RRP15: variants seen among roughly 807,000 people sequenced by gnomAD.
RRP15 encodes the protein RRP15-like protein.
Under a neutral mutation model 27.1 loss-of-function variants are expected in RRP15, and 18 were observed. The observed-to-expected ratio is 0.66, with a 90% CI of 0.46 to 0.98. RRP15 has a LOEUF of 0.98. Ranked by LOEUF, RRP15 falls within the 50% of genes least tolerant of loss-of-function variation. RRP15 has a pLI of 0.00. For missense variants in RRP15, 359 were observed against 337.8 expected, an observed-to-expected ratio of 1.06 and a Z score of -0.49; for synonymous variants, 107 against 109.4, an observed-to-expected ratio of 0.98 and a Z score of 0.14.
chr1:218,332,369 A>G lies in RRP15; in HGVS notation c.*1278A>G, dbSNP rs138653980. On this transcript the variant is annotated 3_prime_UTR_variant, in exon 5 of 5. Transcript: ENST00000366932. The stretch of plus-strand genomic sequence containing the variant: ...AAAAGAGGAAAGACTGTTTAATATC[A>G]TTCCAAAATTTTTGTGAAATGTGGC... The G allele has an allele frequency of 6.6e-6, 1 of 152,198 alleles. No homozygotes were observed. The highest frequency in any genetic ancestry group is 2.4e-5 in the African/African-American group (1 of 41,456). The allele number at this position is 152,198 out of a possible 1,614,324, so 9.4% of individuals were successfully genotyped here. A position where few individuals can be genotyped will look rare whatever the true frequency, so the allele number is the denominator to read the frequency against.
chr1:218,329,998 A>G (rs977338232), intron 4 of RRP15, among the ~76,000 whole-genome samples: 1 of 152,104 alleles, frequency 6.6e-6, no homozygotes, highest in Admixed American at 6.5e-5. Context: ...ACTGTTTTCT[A>G]ACCAAATGTC....
rs772699195 is a variant in RRP15 at position 218,307,599 on chromosome 1, T to C, written c.672T>C (p.Thr224=). ...LRGMDGSTNE[T]ASSRKKPKAK... is the part of the protein sequence containing the mutation. The stretch of plus-strand genomic sequence containing the variant: ...GGATGGATGGAAGTACAAATGAGAC[T>C]GCTTCAAGCAGGAAGAAACCAAAAG... Residue 224 remains threonine, a synonymous_variant, in exon 4 of 5, where the codon ACT becomes ACC. Coordinates refer to ENST00000366932, the MANE Select transcript of RRP15 (RefSeq NM_016052.4). 8 of 1,613,892 alleles carry C rather than the reference T, an allele frequency of 5.0e-6. No homozygotes were observed. The highest frequency in any genetic ancestry group is 6.8e-6 in the Non-Finnish European group (8 of 1,179,904).
chr1:218,298,666 C>A (rs559226121), intron 1 of RRP15, among the ~76,000 whole-genome samples: 1 of 152,092 alleles, frequency 6.6e-6, no homozygotes, highest in Non-Finnish European at 1.5e-5. Context: ...CTCAGTACGT[C>A]GGAGGTTTAG....
intron 4 of RRP15, among the ~76,000 whole-genome samples, chr1:218,330,683 C>CA (rs1443243214): frequency 6.6e-6 from 1 of 151,914 alleles, no homozygotes; most frequent in Non-Finnish European, 1.5e-5. Flanking sequence ...TCCCTCACTT[C>CA]AAAAAAATTT....
rs925409955 is a variant in RRP15 at position 218,335,846 on chromosome 1, A to T, written c.*4755A>T. 1 of 152,158 alleles carries T rather than the reference A, an allele frequency of 6.6e-6. No individual in the cohort carries two copies. The highest frequency in any genetic ancestry group is 2.4e-5 in the African/African-American group (1 of 41,446). The allele number at this position is 152,158 out of a possible 1,614,324, so 9.4% of individuals were successfully genotyped here. ...CTTTTTTTTCAGTATTTATATTTTT[A>T]AAAAGATATGTTTCTTTATAATTAA... On this transcript the variant is annotated 3_prime_UTR_variant, in exon 5 of 5. Coordinates refer to ENST00000366932, the MANE Select transcript of RRP15 (RefSeq NM_016052.4).
chr1:218,309,188 C>T (rs1655950864), intron 4 of RRP15, among the ~76,000 whole-genome samples: 2 of 152,166 alleles, frequency 1.3e-5, no homozygotes, highest in African/African-American at 4.8e-5. Context: ...AGTGATTTTG[C>T]TCTAAAAGTA....
At chr1:218,299,577 A>C (rs1655778555) in intron 1 of RRP15, among the ~76,000 whole-genome samples, 1 of 152,274 alleles carries the variant, frequency 6.6e-6, no homozygotes, top group African/African-American at 2.4e-5. Context: ...ACATCAGGAC[A>C]AAACACTAGA....
In RRP15 at chr1:218,302,329, G is replaced by A. The variant is rs941416642; in HGVS notation, c.175G>A (p.Asp59Asn). ...ATCGGAAAAGGACCACTTTTATTCTGATGATGACGCAATAGAAGCTGACAG... is the reference window on the plus strand; with the variant it reads ...ATCGGAAAAGGACCACTTTTATTCTAATGATGACGCAATAGAAGCTGACAG... Reference protein sequence around the residue: ...CGSEKDHFYSDDDAIEADSEG... With the variant: ...CGSEKDHFYSNDDAIEADSEG... The change falls in exon 2 of 5, where the codon GAT becomes AAT. Residue 59 changes from aspartate (D) to asparagine (N), a missense_variant. By Grantham distance (23) the Asp-to-Asn change is conservative (BLOSUM62 1). Coordinates refer to ENST00000366932, the MANE Select transcript of RRP15 (RefSeq NM_016052.4). 2.5e-6 allele frequency: 4 copies of A among 1,613,904 alleles called. No homozygotes were observed. The highest frequency in any genetic ancestry group is 8.5e-7 in the Non-Finnish European group (1 of 1,179,962).
chr1:218,337,447 G>A lies in RRP15; in HGVS notation c.*6356G>A, dbSNP rs1024254684. ...AAATTTTTTAAAACTTACAAGTTCA[G>A]TGATATGAGGACATTTACATAAACT... On this transcript the variant is annotated 3_prime_UTR_variant, in exon 5 of 5. Coordinates refer to ENST00000366932, the MANE Select transcript of RRP15 (RefSeq NM_016052.4). The A allele has an allele frequency of 1.3e-5, 2 of 152,168 alleles. No individual in the cohort carries two copies. Among genetic ancestry groups the A allele is most frequent in the African/African-American group, 4.8e-5 (2 of 41,462 alleles). The allele number at this position is 152,168 out of a possible 1,614,324, so 9.4% of individuals were successfully genotyped here.
At chr1:218,313,972 TTTTTATTTTATTTTATTTTA>T (rs66715330) in intron 4 of RRP15, among the ~76,000 whole-genome samples, 3 of 147,174 alleles carry the variant, frequency 2.0e-5, no homozygotes, top group South Asian at 2.1e-4. Context: ...CCCCGAGTGA[TTTTTATTTTATTTTATTTTA>T]TTTTATTTTA....
rs1039538329 is a variant in RRP15 at position 218,332,107 on chromosome 1, G to A, written c.*1016G>A. ...GTGGAAATTCTCATGCTTAACTTAT[G>A]CAATGAGACAATTTCTCAGGAAGCA... On this transcript the variant is annotated 3_prime_UTR_variant, in exon 5 of 5. Transcript: ENST00000366932. The A allele has an allele frequency of 2.0e-5, 3 of 150,050 alleles. No individual in the cohort carries two copies. The highest frequency in any genetic ancestry group is 5.0e-5 in the African/African-American group (2 of 39,660). The allele number at this position is 150,050 out of a possible 1,614,324, so 9.3% of individuals were successfully genotyped here. A position where few individuals can be genotyped will look rare whatever the true frequency, so the allele number is the denominator to read the frequency against.
intron 4 of RRP15, among the ~76,000 whole-genome samples, chr1:218,314,820 G>A (rs1656054423): frequency 6.6e-6 from 1 of 151,534 alleles, no homozygotes. Flanking sequence ...GTGAAACCCC[G>A]TCTCTACTAA....
chr1:218,307,664 A>G (rs1242569026), intron 4 of RRP15, 32 bp downstream of exon 4: 1 of 1,464,344 alleles, frequency 6.8e-7, no homozygotes, highest in East Asian at 2.3e-5. Context: ...TCAGTGTATC[A>G]GACTTTCAGC....
Position 218,302,403 on chromosome 1 carries a change from A to C in RRP15, c.249A>C (p.Glu83Asp). The change falls in exon 2 of 5, where the codon GAA becomes GAC. Residue 83 changes from glutamate to aspartate, a missense_variant. Physicochemically the swap from Glu to Asp is conservative, Grantham distance 45. Coordinates refer to ENST00000366932, the MANE Select transcript of RRP15 (RefSeq NM_016052.4). ...PCDKENENDG[E>D]SSVGTNMGWA... is the part of the protein sequence containing the mutation. ...ACAAAGAAAATGAAAATGATGGAGA[A>C]TCAAGTGTTGGGACTAATATGGGCT... is the stretch of plus-strand genomic sequence containing the variant. 1 of 1,614,106 alleles carries C rather than the reference A, an allele frequency of 6.2e-7. No homozygotes were observed. Among genetic ancestry groups the C allele is most frequent in the Non-Finnish European group, 8.5e-7 (1 of 1,179,974 alleles).
At position 218,327,331 on chromosome 1, in the gene RRP15, C is replaced by T. The variant is rs78405590; in HGVS notation, c.706-3617C>T. On this transcript the variant is annotated intron_variant, in intron 4 of 4. Coordinates refer to ENST00000366932, the MANE Select transcript of RRP15 (RefSeq NM_016052.4). ...CAAGGTTTTCTTTATTTTTTTGAGA[C>T]AGAGTCTTACTCCGTCGCTCAGGCT... Among the ~76,000 whole-genome samples the T allele has an allele frequency of 1.3e-3, 201 of 152,196 alleles. 2 individuals are homozygous for T. The East Asian group carries it at 0.033, about 25-fold the overall frequency.
chr1:218,304,498 TGCTACGAGA>T (rs1655864937), intron 2 of RRP15, among the ~76,000 whole-genome samples: 1 of 152,254 alleles, frequency 6.6e-6, no homozygotes, highest in Non-Finnish European at 1.5e-5. Flanking sequence ...TGGTCAGATA[TGCTACGAGA>T]GGAGAAATGG....
At position 218,285,341 on chromosome 1, in the gene RRP15, C is replaced by T. The variant is rs1558198740; in HGVS notation, c.25C>T (p.Arg9Cys). The T allele has an allele frequency of 6.2e-7, 1 of 1,614,038 alleles. No homozygotes were observed. The highest frequency in any genetic ancestry group is 2.2e-5 in the East Asian group (1 of 44,868). ...AATGGCAGCCGCCGCTCCGGACTCA[C>T]GTGTGAGTGAGGAAGAAAACCTGAA... is the stretch of plus-strand genomic sequence containing the variant. MAAAAPDS[R>C]VSEEENLKKT... The change falls in exon 1 of 5, where the codon CGT (arginine) becomes TGT (cysteine). Residue 9 changes from arginine to cysteine, a missense_variant. Transcript: ENST00000366932.
intron 4 of RRP15, among the ~76,000 whole-genome samples, chr1:218,321,376 C>T (rs974614105): frequency 6.6e-6 from 1 of 152,206 alleles, no homozygotes; most frequent in Non-Finnish European, 1.5e-5. Flanking sequence ...TGCTGCCTTG[C>T]AGCAACACTG....
At chr1:218,289,689 C>T (rs1655603763) in intron 1 of RRP15, among the ~76,000 whole-genome samples, 1 of 152,172 alleles carries the variant, frequency 6.6e-6, no homozygotes, top group Non-Finnish European at 1.5e-5. Flanking sequence ...ATCTCTCTCT[C>T]TCTCTTTTTT....
Sources: allele counts gnomAD v4.1 joint callset (sites outside exome capture counted in the v4.1 genomes callset), GRCh38; gene constraint gnomAD v4.1.1; transcripts MANE v1.5; gene names NCBI Gene and HGNC (gene_info 2026-07-23, HGNC 2026-07-21).